ANKRD28: variants seen among roughly 807,000 people sequenced by gnomAD.
The protein encoded by ANKRD28 is ankyrin repeat domain 28, also known as serine/threonine-protein phosphatase 6 regulatory ankyrin repeat subunit A.
Under a neutral mutation model 126.5 loss-of-function variants are expected in ANKRD28, and 44 were observed. The observed-to-expected ratio is 0.35, with a 90% confidence interval of 0.27 to 0.45. ANKRD28 has a LOEUF of 0.45. Among genes scored for constraint, ANKRD28 ranks in the 20% least tolerant of loss-of-function variants. The probability of loss-of-function intolerance (pLI) is 1.00; values close to 1 mark genes in which losing one functional copy is unlikely to be tolerated. For missense variants in ANKRD28, 1,110 were observed against 1,316.6 expected, an observed-to-expected ratio of 0.84 and a Z score of 2.43; for synonymous variants, 442 against 468.5, an observed-to-expected ratio of 0.94 and a Z score of 0.73.
At chr3:15,740,792 C>T (rs995853041) in intron 4 of ANKRD28, among the ~76,000 whole-genome samples, 2 of 152,116 alleles carry the variant, frequency 1.3e-5, no homozygotes, top group Admixed American at 1.3e-4. Flanking sequence ...AGTAGGTAAG[C>T]GTAGGTAAGT....
intron 1 of ANKRD28, among the ~76,000 whole-genome samples, chr3:15,827,764 TA>T (rs1407558581): frequency 6.6e-6 from 1 of 152,168 alleles, no homozygotes; most frequent in Non-Finnish European, 1.5e-5. Flanking sequence ...TTAAAACTTT[TA>T]TGCAGAGAAG....
chr3:15,746,178 TAC>T (rs2057464577), intron 4 of ANKRD28, among the ~76,000 whole-genome samples: 2 of 152,352 alleles, frequency 1.3e-5, no homozygotes, highest in South Asian at 4.1e-4. Flanking sequence ...ACTTCCTCTT[TAC>T]TGATTTGGAT....
chr3:15,848,870 A>G (rs2125988495), intron 1 of ANKRD28, among the ~76,000 whole-genome samples: 1 of 152,308 alleles, frequency 6.6e-6, no homozygotes, highest in East Asian at 1.9e-4. Flanking sequence ...AGTCTGGGCA[A>G]GTAAGCAAGA....
intron 14 of ANKRD28, among the ~76,000 whole-genome samples, chr3:15,701,419 CG>C (rs2070595021): frequency 6.6e-6 from 1 of 152,034 alleles, no homozygotes; most frequent in Non-Finnish European, 1.5e-5. Flanking sequence ...CGGAGGTGGG[CG>C]GAACACCTGA....
chr3:15,806,782 A>G (rs910775567), intron 1 of ANKRD28, among the ~76,000 whole-genome samples: 10 of 152,172 alleles, frequency 6.6e-5, no homozygotes, highest in African/African-American at 2.4e-4. Flanking sequence ...TCGGACTCCC[A>G]AAGTGTTAGG....
intron 26 of ANKRD28, 66 bp from the exon 27 acceptor site, chr3:15,676,055 G>T: frequency 2.3e-6 from 3 of 1,326,092 alleles, no homozygotes; most frequent in Non-Finnish European, 2.1e-6. Context: ...ATACACACCT[G>T]GCTGTCAAAG....
intron 1 of ANKRD28, among the ~76,000 whole-genome samples, chr3:15,859,025 C>T (rs1168984897): frequency 6.6e-6 from 1 of 152,246 alleles, no homozygotes; most frequent in Non-Finnish European, 1.5e-5. Context: ...GTACCGCTCC[C>T]GCCCGGCAGC....
exon 1 of ANKRD28, chr3:15,859,619 G>C (rs2061862958): frequency 5.6e-6 from 1 of 179,706 alleles, no homozygotes; most frequent in South Asian, 1.6e-4. Flanking sequence ...CGAGAGGTGA[G>C]GTGCCCGGCC....
chr3:15,777,699 CAT>C (rs1014757195), intron 2 of ANKRD28, among the ~76,000 whole-genome samples: 30 of 152,206 alleles, frequency 2.0e-4, no homozygotes, highest in African/African-American at 7.2e-4. Context: ...AAACAAAACA[CAT>C]GTGTACCCGA....
At chr3:15,754,195 T>G (rs1184335895) in intron 3 of ANKRD28, among the ~76,000 whole-genome samples, 1 of 152,158 alleles carries the variant, frequency 6.6e-6, no homozygotes, top group Non-Finnish European at 1.5e-5. Flanking sequence ...TTCATAAATT[T>G]TAAATTGCTC....
intron 14 of ANKRD28, among the ~76,000 whole-genome samples, chr3:15,698,252 G>GGCTA (rs1328225788): frequency 6.6e-6 from 1 of 151,950 alleles, no homozygotes; most frequent in African/African-American, 2.4e-5. Context: ...AAATAGTAAG[G>GGCTA]GCTAGTTATG....
At chr3:15,682,323 G>C (rs574523243) in intron 21 of ANKRD28, among the ~76,000 whole-genome samples, 6 of 151,986 alleles carry the variant, frequency 3.9e-5, no homozygotes, top group Non-Finnish European at 8.8e-5. Context: ...GAGACCAAAG[G>C]GTTTGAGAAC....
intron 4 of ANKRD28, among the ~76,000 whole-genome samples, chr3:15,744,600 A>T (rs1182492636): frequency 6.6e-6 from 1 of 151,942 alleles, no homozygotes; most frequent in Non-Finnish European, 1.5e-5. Flanking sequence ...TCCAGGCGTG[A>T]GCCACCGCGC....
chr3:15,713,748 C>T lies in ANKRD28; in HGVS notation c.1076-107G>A. 5 of 589,638 alleles carry T rather than the reference C, an allele frequency of 8.5e-6. No individual in the cohort carries two copies. In the East Asian group the frequency reaches 1.2e-4, roughly 15 times the overall value. The allele number at this position is 589,638 out of a possible 1,614,324, so 36.5% of individuals were successfully genotyped here. ...CTGTTCACATACAAACTAATAGATA[C>T]AGCAATTTTAACTAGATTTCATTCA... On this transcript the variant is annotated intron_variant, in intron 9 of 27. Coordinates refer to ENST00000683139, the MANE Select transcript of ANKRD28 (RefSeq NM_001349278.2).
intron 6 of ANKRD28, among the ~76,000 whole-genome samples, chr3:15,730,395 A>G (rs1018582130): frequency 1.3e-5 from 2 of 152,326 alleles, no homozygotes; most frequent in Non-Finnish European, 1.5e-5. Context: ...ATTCAATAGC[A>G]TAAGTATAAG....
At chr3:15,766,349 A>G (rs1409527820) in intron 2 of ANKRD28, 37 bp from the exon 3 acceptor site, 2 of 1,461,348 alleles carry the variant, frequency 1.4e-6, no homozygotes, top group African/African-American at 1.4e-5. Context: ...TAAGTTTTAA[A>G]ATAAGATTAA....
intron 1 of ANKRD28, among the ~76,000 whole-genome samples, chr3:15,823,740 C>T (rs977601014): frequency 4.6e-5 from 7 of 152,028 alleles, no homozygotes; most frequent in African/African-American, 1.7e-4. Context: ...GGGACTTATA[C>T]CAGGAATGTA....
chr3:15,796,711 T>C lies in ANKRD28; in HGVS notation c.-190A>G. On this transcript the variant is annotated 5_prime_UTR_variant, in exon 1 of 28. Coordinates refer to ENST00000683139, the MANE Select transcript of ANKRD28 (RefSeq NM_001349278.2). ...AGTTTAAAATTATGACTACATAATT[T>C]GTAACTTCCTAAATATAACGAAATT... 1 of 986,318 alleles carries C rather than the reference T, an allele frequency of 1.0e-6. No homozygotes were observed. Among genetic ancestry groups the C allele is most frequent in the Non-Finnish European group, 1.2e-6 (1 of 826,276 alleles). The allele number at this position is 986,318 out of a possible 1,614,324, so 61.1% of individuals were successfully genotyped here.
rs58655271 is a variant in ANKRD28 at position 15,741,697 on chromosome 3, C to CTTTTTTTTTTT, written c.352-4475_352-4465dup. Reference sequence around the variant, plus strand: ...ACCAGTTTTCCCCTTTGGTTCTATCCTTTTTTTTTTTTTTTTTTTTTTTTT... The same window carrying CTTTTTTTTTTT: ...ACCAGTTTTCCCCTTTGGTTCTATCCTTTTTTTTTTTTTTTTTTTTTTTTTTTTTTTTTTTT... On this transcript the variant is annotated intron_variant, in intron 4 of 27. Transcript: ENST00000683139. Among the ~76,000 whole-genome samples, 23 of 33,660 alleles carry CTTTTTTTTTTT rather than the reference C, an allele frequency of 6.8e-4. 1 individual carries two copies. The highest frequency in any genetic ancestry group is 9.8e-4 in the Non-Finnish European group (16 of 16,262). The allele number at this position is 33,660 out of a possible 152,430, so 22.1% of individuals were successfully genotyped here. A position where few individuals can be genotyped will look rare whatever the true frequency, so the allele number is the denominator to read the frequency against.
Sources: allele counts gnomAD v4.1 joint callset (sites outside exome capture counted in the v4.1 genomes callset), GRCh38; gene constraint gnomAD v4.1.1; transcripts MANE v1.5; gene names NCBI Gene and HGNC (gene_info 2026-07-23, HGNC 2026-07-21).